CHCHD6: variants seen among roughly 807,000 people sequenced by gnomAD.
The protein encoded by CHCHD6 is coiled-coil-helix-coiled-coil-helix domain containing 6, also known as MICOS complex subunit MIC25.
In CHCHD6, 28 loss-of-function variants were observed where a neutral mutation model predicts 32.3. The observed-to-expected ratio is 0.87, with a 90% CI of 0.64 to 1.19. CHCHD6 has a LOEUF of 1.19. CHCHD6 is among the 50% of genes most tolerant of loss of function. The pLI is 0.00. For synonymous variants in CHCHD6, 122 were observed against 117.5 expected, an observed-to-expected ratio of 1.04 and a Z score of -0.25; for missense variants, 333 against 307.0, an observed-to-expected ratio of 1.08 and a Z score of -0.63.
intron 5 of CHCHD6, among the ~76,000 whole-genome samples, chr3:126,863,669 T>C (rs1191382566): frequency 1.3e-3 from 70 of 55,476 alleles, no homozygotes; most frequent in Middle Eastern, 0.015. Context: ...TCCTCCACCA[T>C]CACCACCTCC....
chr3:126,802,099 C>A (rs1011373910), intron 4 of CHCHD6, among the ~76,000 whole-genome samples: 3 of 152,136 alleles, frequency 2.0e-5, no homozygotes, highest in Non-Finnish European at 2.9e-5. Context: ...GTAGATAAAA[C>A]CACAAAGATG....
At chr3:126,771,158 G>A (rs1250295401) in intron 4 of CHCHD6, among the ~76,000 whole-genome samples, 1 of 151,176 alleles carries the variant, frequency 6.6e-6, no homozygotes, top group African/African-American at 2.4e-5. Flanking sequence ...CTATTTCTGT[G>A]GGGTCAGTGG....
At chr3:126,874,123 G>T (rs1006898840) in intron 5 of CHCHD6, among the ~76,000 whole-genome samples, 5 of 152,160 alleles carry the variant, frequency 3.3e-5, no homozygotes, top group Non-Finnish European at 7.3e-5. Flanking sequence ...ATGAAGTGCC[G>T]TCCCAGGAAC....
intron 4 of CHCHD6, among the ~76,000 whole-genome samples, chr3:126,745,267 A>G (rs1238969307): frequency 1.3e-5 from 2 of 152,208 alleles, no homozygotes; most frequent in Admixed American, 6.5e-5. Context: ...CTTGTGGCTT[A>G]GCGAAGCCCA....
chr3:126,902,761 C>T (rs925927254), intron 5 of CHCHD6, among the ~76,000 whole-genome samples: 1 of 151,940 alleles, frequency 6.6e-6, no homozygotes, highest in Non-Finnish European at 1.5e-5. Flanking sequence ...GAGACAAGAC[C>T]CCTAGAGGCC....
intron 4 of CHCHD6, among the ~76,000 whole-genome samples, chr3:126,760,333 G>A (rs1937114070): frequency 6.6e-6 from 1 of 152,080 alleles, no homozygotes; most frequent in African/African-American, 2.4e-5. Context: ...TTCTATTGTG[G>A]TAAAATATAT....
chr3:126,709,710 A>T (rs1005425950), intron 1 of CHCHD6, among the ~76,000 whole-genome samples: 5 of 152,160 alleles, frequency 3.3e-5, no homozygotes, highest in Non-Finnish European at 7.3e-5. Context: ...ATTGTATCTC[A>T]TCGTGGTTTG....
At chr3:126,807,941 T>C (rs1939484966) in intron 4 of CHCHD6, among the ~76,000 whole-genome samples, 1 of 152,228 alleles carries the variant, frequency 6.6e-6, no homozygotes, top group Non-Finnish European at 1.5e-5. Context: ...TGAGTGGTTA[T>C]GACTGTGTTC....
intron 4 of CHCHD6, among the ~76,000 whole-genome samples, chr3:126,750,016 T>G (rs1304436752): frequency 1.3e-5 from 2 of 152,206 alleles, no homozygotes; most frequent in African/African-American, 4.8e-5. Context: ...GTTCTCTAGA[T>G]GCTGGTTGGC....
chr3:126,788,081 A>C (rs1350723095), intron 4 of CHCHD6, among the ~76,000 whole-genome samples: 2 of 152,192 alleles, frequency 1.3e-5, no homozygotes, highest in Non-Finnish European at 2.9e-5. Flanking sequence ...TATTGAGATA[A>C]TCATGTTGTT....
chr3:126,906,405 A>C (rs532065982), intron 5 of CHCHD6, among the ~76,000 whole-genome samples: 1 of 152,316 alleles, frequency 6.6e-6, no homozygotes, highest in South Asian at 2.1e-4. Context: ...GATTAAGCCC[A>C]GTGGCTCCCT....
intron 5 of CHCHD6, among the ~76,000 whole-genome samples, chr3:126,902,548 C>T (rs2077944001): frequency 1.3e-5 from 2 of 151,966 alleles, no homozygotes; most frequent in Non-Finnish European, 2.9e-5. Context: ...AACCCTGTCT[C>T]TACTAAAAAT....
chr3:126,800,390 TCCAGAGACAGCTGGAACTCGGGC>T (rs1297564895), intron 4 of CHCHD6, among the ~76,000 whole-genome samples: 1 of 152,004 alleles, frequency 6.6e-6, no homozygotes, highest in Non-Finnish European at 1.5e-5. Flanking sequence ...AATTGAGAAA[TCCAGAGACAGCTGGAACTCGGGC>T]CTGCAGTGAA....
At chr3:126,749,984 C>T (rs530970947) in intron 4 of CHCHD6, among the ~76,000 whole-genome samples, 176 of 152,306 alleles carry the variant, frequency 1.2e-3, no homozygotes, top group Non-Finnish European at 2.0e-3. Flanking sequence ...CCACCTTGGC[C>T]CGACGTCTGT....
At chr3:126,801,418 C>A (rs74823292) in intron 4 of CHCHD6, among the ~76,000 whole-genome samples, 36 of 152,166 alleles carry the variant, frequency 2.4e-4, no homozygotes, top group South Asian at 1.0e-3. Flanking sequence ...TATCCCGCAC[C>A]TGGCTCGGAG....
chr3:126,818,650 G>A (rs1940016128), intron 4 of CHCHD6, among the ~76,000 whole-genome samples: 1 of 152,182 alleles, frequency 6.6e-6, no homozygotes, highest in Non-Finnish European at 1.5e-5. Flanking sequence ...TGAGTGGATT[G>A]GCCACCATTA....
chr3:126,712,506 A>T (rs1470851540), intron 1 of CHCHD6, among the ~76,000 whole-genome samples: 2 of 152,208 alleles, frequency 1.3e-5, no homozygotes, highest in African/African-American at 4.8e-5. Flanking sequence ...TACTAGGCTC[A>T]TCTCGGGCCA....
intron 4 of CHCHD6, among the ~76,000 whole-genome samples, chr3:126,802,754 C>A (rs1161504892): frequency 6.6e-6 from 1 of 152,138 alleles, no homozygotes; most frequent in African/African-American, 2.4e-5. Flanking sequence ...CTCCAAGACA[C>A]ATAACTGTCA....
chr3:126,805,529 C>A (rs1308806153), intron 4 of CHCHD6, among the ~76,000 whole-genome samples: 2 of 152,022 alleles, frequency 1.3e-5, no homozygotes, highest in East Asian at 3.8e-4. Context: ...GAACTACAAA[C>A]CACTGCTCAA....
Sources: gnomAD v4.1 joint callset for allele counts (sites outside exome capture counted in the v4.1 genomes callset) on GRCh38, gnomAD v4.1.1 for gene constraint, MANE v1.5 for transcripts, NCBI Gene and HGNC (gene_info 2026-07-23, HGNC 2026-07-21) for gene names.